Variants in LYRM4 observed in about 807,000 individuals in gnomAD.
LYRM4 encodes LYR motif-containing protein 4.
A neutral mutation model predicts 11.7 loss-of-function variants in LYRM4; 9 were observed. The ratio of observed to expected loss-of-function variants is 0.77; its 90% CI spans 0.46 to 1.34. The LOEUF (loss-of-function observed/expected upper bound fraction) is 1.34, where lower values mean the gene tolerates loss of function less well. Ranked by LOEUF, LYRM4 falls within the 40% of genes most tolerant of loss-of-function variation. LYRM4 has a pLI of 0.00. For synonymous variants in LYRM4, 42 were observed against 40.4 expected, an observed-to-expected ratio of 1.04 and a Z score of -0.15; for missense variants, 133 against 112.5, an observed-to-expected ratio of 1.18 and a Z score of -0.82.
At chr6:5,154,761 G>A (rs536696212) in intron 2 of LYRM4, among the ~76,000 whole-genome samples, 1 of 152,144 alleles carries the variant, frequency 6.6e-6, no homozygotes, top group Non-Finnish European at 1.5e-5. Context: ...GGAGCTTGCA[G>A]TGAGCCGGGA....
intron 2 of LYRM4, among the ~76,000 whole-genome samples, chr6:5,121,194 G>A (rs1763439920): frequency 6.6e-6 from 1 of 152,092 alleles, no homozygotes; most frequent in Non-Finnish European, 1.5e-5. Flanking sequence ...GTGTACTTTG[G>A]GTACATAGGG....
chr6:5,235,705 G>A (rs74350136), intron 1 of LYRM4, among the ~76,000 whole-genome samples: 4,915 of 152,290 alleles, frequency 0.032, 94 homozygotes, highest in East Asian at 0.1. Flanking sequence ...GTATGTGGAT[G>A]TAAGTTACTT....
At chr6:5,149,916 C>T (rs544788006) in intron 2 of LYRM4, among the ~76,000 whole-genome samples, 6 of 152,164 alleles carry the variant, frequency 3.9e-5, no homozygotes, top group Admixed American at 1.3e-4. Flanking sequence ...TGATTTCCTA[C>T]GAGCAAAACA....
chr6:5,212,188 T>C (rs569887016), intron 2 of LYRM4, among the ~76,000 whole-genome samples: 31 of 152,138 alleles, frequency 2.0e-4, no homozygotes, highest in African/African-American at 7.0e-4. Context: ...TACACTAGAG[T>C]TGTTTAAAAA....
At chr6:5,071,097 G>A in the LYRM4 span, among the ~76,000 whole-genome samples, 687 of 151,654 alleles carry the variant, frequency 4.5e-3, 3 homozygotes, top group African/African-American at 0.014. Flanking sequence ...GCTGAGGCAG[G>A]AGAATCGCTT....
rs950066065 is a variant in LYRM4 at position 5,141,116 on chromosome 6, C to T, written c.208-31625G>A. On this transcript the variant is annotated intron_variant, in intron 2 of 2. Transcript: ENST00000330636. ...TTTCACAAAAGTTGAGCATTTATCA[C>T]ATTTGTGGAAATAAAAAGAAGATGG... is the stretch of plus-strand genomic sequence containing the variant. Among the ~76,000 whole-genome samples the T allele has an allele frequency of 2.0e-5, 3 of 152,208 alleles. No individual in the cohort carries two copies. In the South Asian group the frequency reaches 6.2e-4, roughly 32 times the overall value.
intron 1 of LYRM4, among the ~76,000 whole-genome samples, chr6:5,226,799 T>A (rs568529759): frequency 1.3e-5 from 2 of 152,362 alleles, no homozygotes; most frequent in South Asian, 4.1e-4. Flanking sequence ...TAATTACTTT[T>A]GGTTATTGAA....
the LYRM4 span, among the ~76,000 whole-genome samples, chr6:5,036,831 C>T: frequency 2.2e-3 from 331 of 152,214 alleles, 1 homozygote; most frequent in African/African-American, 7.4e-3. Context: ...CCTGCGGGCA[C>T]GGGATACGCT....
At chr6:5,114,431 T>G (rs1231646848) in intron 2 of LYRM4, among the ~76,000 whole-genome samples, 1 of 152,190 alleles carries the variant, frequency 6.6e-6, no homozygotes, top group African/African-American at 2.4e-5. Context: ...CTGACTTGAA[T>G]GCACAATGAG....
the LYRM4 span, among the ~76,000 whole-genome samples, chr6:5,059,781 C>T: frequency 6.6e-6 from 1 of 151,620 alleles, no homozygotes; most frequent in East Asian, 1.9e-4. Context: ...ATTTATATGA[C>T]TCTTCTCCTG....
At chr6:5,093,601 T>C in the LYRM4 span, among the ~76,000 whole-genome samples, 1 of 152,256 alleles carries the variant, frequency 6.6e-6, no homozygotes, top group Non-Finnish European at 1.5e-5. Flanking sequence ...TTTGCCACTT[T>C]ACAAAAAAAC....
Position 5,149,493 on chromosome 6 carries a change from A to G in LYRM4, c.208-40002T>C, listed in dbSNP as rs552295904. Among the ~76,000 whole-genome samples, 6 of 152,008 alleles carry G rather than the reference A, an allele frequency of 3.9e-5. No homozygotes were observed. The East Asian group carries it at 1.2e-3, about 30-fold the overall frequency. ...AAAGCTGGGATTCAAACCTCTTTAC[A>G]TGTCTGCTTTCAAAGTCGTAGCTCA... On this transcript the variant is annotated intron_variant, in intron 2 of 2. Coordinates refer to ENST00000330636, the MANE Select transcript of LYRM4 (RefSeq NM_020408.6).
At chr6:5,138,786 CA>C in intron 2 of LYRM4, 1 of 1,403,244 alleles carries the variant, frequency 7.1e-7, no homozygotes, top group Non-Finnish European at 9.7e-7. Context: ...TAACAGTTAA[CA>C]GAAAGAAAGA....
chr6:5,086,126 A>G, the LYRM4 span: 1 of 1,475,426 alleles, frequency 6.8e-7, no homozygotes, highest in Non-Finnish European at 8.9e-7. Context: ...GAGCGTCTGC[A>G]GCGGCAGCGC....
At chr6:5,179,065 C>CAAAAAAAAAA (rs58749743) in intron 2 of LYRM4, among the ~76,000 whole-genome samples, 80 of 103,802 alleles carry the variant, frequency 7.7e-4, no homozygotes, top group African/African-American at 1.2e-3. Context: ...ACCAAAAAAA[C>CAAAAAAAAAA]AAAAAAAAAA....
chr6:5,226,509 C>T (rs79728071), intron 1 of LYRM4, among the ~76,000 whole-genome samples: 7,466 of 152,108 alleles, frequency 0.049, 602 homozygotes, highest in African/African-American at 0.16. Context: ...CTCAGCCTCC[C>T]GAGTAGCTGG....
chr6:5,134,954 A>ACTGTGGAGGGTGCGGATCACTCCTGGGG, intron 2 of LYRM4, among the ~76,000 whole-genome samples: 1 of 43,656 alleles, frequency 2.3e-5, no homozygotes, highest in African/African-American at 7.5e-5. Flanking sequence ...CACTCCCGGG[A>ACTGTGGAGGGTGCGGATCACTCCTGGGG]CTGTGGAGGG....
At chr6:5,233,461 C>A (rs954337790) in intron 1 of LYRM4, among the ~76,000 whole-genome samples, 1 of 152,170 alleles carries the variant, frequency 6.6e-6, no homozygotes, top group African/African-American at 2.4e-5. Flanking sequence ...GACCTGGATT[C>A]ATTCGCAGAA....
chr6:5,074,906 C>T, the LYRM4 span, among the ~76,000 whole-genome samples: 7 of 152,172 alleles, frequency 4.6e-5, no homozygotes, highest in Middle Eastern at 6.8e-3. Context: ...GGAGGTGGAG[C>T]TTGGTGAGAG....
Sources: gnomAD v4.1 joint callset for allele counts (sites outside exome capture counted in the v4.1 genomes callset) on GRCh38, gnomAD v4.1.1 for gene constraint, MANE v1.5 for transcripts, NCBI Gene and HGNC (gene_info 2026-07-23, HGNC 2026-07-21) for gene names.